Variants in PIAS1 observed in about 807,000 individuals in gnomAD.
PIAS1 encodes the protein protein inhibitor of activated STAT 1, also known as E3 SUMO-protein ligase PIAS1.
PIAS1 carries 6 observed loss-of-function variants against 71.3 expected under a neutral mutation model. The observed-to-expected ratio is 0.08, with a 90% CI of 0.05 to 0.17. The LOEUF is 0.17. PIAS1 is among the 10% of genes least tolerant of loss of function. PIAS1 has a pLI of 1.00. For synonymous variants in PIAS1, 303 were observed against 292.9 expected, an observed-to-expected ratio of 1.03 and a Z score of -0.35; for missense variants, 555 against 793.6, an observed-to-expected ratio of 0.70 and a Z score of 3.61.
At chr15:68,120,747 C>T (rs538341000) in intron 2 of PIAS1, among the ~76,000 whole-genome samples, 12 of 152,108 alleles carry the variant, frequency 7.9e-5, no homozygotes, top group Non-Finnish European at 1.2e-4. Context: ...CTCCACCTCC[C>T]GAATTCAAGT....
intron 1 of PIAS1, among the ~76,000 whole-genome samples, chr15:68,059,071 C>T (rs1251453278): frequency 1.4e-5 from 2 of 138,088 alleles, no homozygotes; most frequent in Non-Finnish European, 3.0e-5. Flanking sequence ...GTGGCGCGAT[C>T]TCGGCGCACT....
rs893596647 is a variant in PIAS1, at chr15:68,151,829, C to T, written c.829-1761C>T. On this transcript the variant is annotated intron_variant, in intron 6 of 13. Transcript: ENST00000249636. ...GAGCCGAGATTGCGCCACTGCACTC[C>T]GGCCTGGGTGACAGAGCGAGACTCT... Among the ~76,000 whole-genome samples, 10 of 150,522 alleles carry T rather than the reference C, an allele frequency of 6.6e-5. 1 individual carries two copies. The highest frequency in any genetic ancestry group is 2.1e-4 in the South Asian group (1 of 4,740).
At chr15:68,182,035 G>A (rs1414591640) in intron 12 of PIAS1, among the ~76,000 whole-genome samples, 3 of 152,130 alleles carry the variant, frequency 2.0e-5, no homozygotes, top group African/African-American at 4.8e-5. Context: ...GGGTAACTAT[G>A]TTGTATTATG....
chr15:68,132,047 A>AG (rs1204266993), intron 2 of PIAS1, among the ~76,000 whole-genome samples: 1 of 150,872 alleles, frequency 6.6e-6, no homozygotes, highest in African/African-American at 2.4e-5. Flanking sequence ...AAAAAAAAAA[A>AG]AAAGAAAAGA....
chr15:68,123,003 T>C (rs527633236), intron 2 of PIAS1, among the ~76,000 whole-genome samples: 26 of 152,186 alleles, frequency 1.7e-4, no homozygotes, highest in African/African-American at 5.8e-4. Context: ...GTTTTTTTTT[T>C]TTTAAGCCTA....
intron 2 of PIAS1, among the ~76,000 whole-genome samples, chr15:68,098,011 T>C (rs2092391113): frequency 6.6e-6 from 1 of 152,168 alleles, no homozygotes; most frequent in Admixed American, 6.5e-5. Context: ...TCCCAAAACT[T>C]CCTTTGAATA....
At chr15:68,105,263 C>T (rs2092459086) in intron 2 of PIAS1, among the ~76,000 whole-genome samples, 1 of 152,122 alleles carries the variant, frequency 6.6e-6, no homozygotes, top group Non-Finnish European at 1.5e-5. Context: ...ATTTTTACTT[C>T]AGAAGTTTTT....
intron 8 of PIAS1, among the ~76,000 whole-genome samples, chr15:68,168,090 C>A (rs2092968177): frequency 6.6e-6 from 1 of 152,034 alleles, no homozygotes; most frequent in African/African-American, 2.4e-5. Flanking sequence ...CTCACTGCAA[C>A]CTCCACTTCC....
At chr15:68,119,236 C>CAA (rs1567049943) in intron 2 of PIAS1, among the ~76,000 whole-genome samples, 3 of 694 alleles carry the variant, frequency 4.3e-3, no homozygotes, top group Non-Finnish European at 8.8e-3. Flanking sequence ...CCCATCTCTA[C>CAA]CAAAAAAAAA....
chr15:68,149,606 A>G (rs1031200467), intron 6 of PIAS1, among the ~76,000 whole-genome samples: 1 of 151,930 alleles, frequency 6.6e-6, no homozygotes, highest in South Asian at 2.1e-4. Flanking sequence ...GTTGGTTGTT[A>G]TTATTACTGC....
At chr15:68,137,744 T>C (rs2092743416) in intron 2 of PIAS1, among the ~76,000 whole-genome samples, 1 of 152,230 alleles carries the variant, frequency 6.6e-6, no homozygotes, top group Admixed American at 6.5e-5. Flanking sequence ...GATTATTGTA[T>C]GGATTAACTA....
chr15:68,088,421 A>G (rs1362209479), intron 2 of PIAS1, among the ~76,000 whole-genome samples: 3 of 151,914 alleles, frequency 2.0e-5, no homozygotes, highest in Non-Finnish European at 2.9e-5. Context: ...AAATGTCACA[A>G]ATAGCAATAA....
At chr15:68,103,430 ATTTT>A (rs1271172464) in intron 2 of PIAS1, among the ~76,000 whole-genome samples, 1 of 139,480 alleles carries the variant, frequency 7.2e-6, no homozygotes, top group African/African-American at 2.7e-5. Context: ...GTTCTTTTTG[ATTTT>A]TTGTTTTAAA....
chr15:68,070,465 G>A (rs2092082892), intron 1 of PIAS1, among the ~76,000 whole-genome samples: 1 of 152,086 alleles, frequency 6.6e-6, no homozygotes, highest in South Asian at 2.1e-4. Context: ...GCTGAGGGTG[G>A]AAAGTAATGA....
Position 68,186,952 on chromosome 15 carries a change from G to A in PIAS1, c.1663-590G>A, listed in dbSNP as rs764615454. Among the ~76,000 whole-genome samples, 6 of 152,220 alleles carry A rather than the reference G, an allele frequency of 3.9e-5. No homozygotes were observed. Among genetic ancestry groups the A allele is most frequent in the Non-Finnish European group, 7.3e-5 (5 of 68,044 alleles). ...ATGATGCATTTCTCAAAACACATCCGTGTCATTAAGCGACGCATGACTGTA... is the reference window on the plus strand; with the variant it reads ...ATGATGCATTTCTCAAAACACATCCATGTCATTAAGCGACGCATGACTGTA... On this transcript the variant is annotated intron_variant, in intron 13 of 13. Transcript: ENST00000249636. The surrounding 1 kb of genome is among the most constrained non-coding windows in gnomAD (Gnocchi z 4.4).
At chr15:68,055,109 A>G (rs2091881813) in intron 1 of PIAS1, 1 of 574,848 alleles carries the variant, frequency 1.7e-6, no homozygotes, top group Non-Finnish European at 2.2e-6. Context: ...CTTTGGAAGC[A>G]GTGTTGGGAG....
chr15:68,095,507 G>A (rs1034244377), intron 2 of PIAS1, among the ~76,000 whole-genome samples: 4 of 151,078 alleles, frequency 2.6e-5, no homozygotes, highest in African/African-American at 9.7e-5. Context: ...TGGGTGTTTG[G>A]AAAATAATTT....
At position 68,086,178 on chromosome 15, in the gene PIAS1, G is replaced by A. The variant is rs2092279902; in HGVS notation, c.25-128G>A. The A allele has an allele frequency of 1.6e-6, 1 of 620,476 alleles. No homozygotes were observed. Among genetic ancestry groups the A allele is most frequent in the African/African-American group, 1.8e-5 (1 of 54,338 alleles). The allele number at this position is 620,476 out of a possible 1,614,324, so 38.4% of individuals were successfully genotyped here. On this transcript the variant is annotated intron_variant, in intron 1 of 13. Transcript: ENST00000249636. The surrounding 1 kb of genome is among the most constrained non-coding windows in gnomAD (Gnocchi z 7.2). The stretch of plus-strand genomic sequence containing the variant: ...TTAAATTTGAAGTTTGAAATAATAG[G>A]ATTATAAGTGAGCTGGCCTTTATTT...
chr15:68,087,271 C>T (rs1246007021), intron 2 of PIAS1, among the ~76,000 whole-genome samples: 1 of 152,068 alleles, frequency 6.6e-6, no homozygotes, highest in Non-Finnish European at 1.5e-5. Flanking sequence ...CATGCACATG[C>T]ACACTCATGA....
Sources: gnomAD v4.1 joint callset for allele counts (sites outside exome capture counted in the v4.1 genomes callset) on GRCh38, gnomAD v4.1.1 for gene constraint, Gnocchi (gnomAD v3.1) non-coding constraint, MANE v1.5 for transcripts, NCBI Gene and HGNC (gene_info 2026-07-23, HGNC 2026-07-21) for gene names.